Variants in NBAS observed in about 807,000 individuals in gnomAD.
NBAS encodes NBAS subunit of NRZ tethering complex.
A neutral mutation model predicts 302.5 loss-of-function variants in NBAS; 219 were observed. The observed-to-expected ratio is 0.72, with a 90% CI of 0.65 to 0.81. The LOEUF (loss-of-function observed/expected upper bound fraction) is 0.81. NBAS is among the 30% of genes least tolerant of loss of function. The pLI is 0.00. For missense variants in NBAS, 2,932 were observed against 2,841.6 expected (o/e 1.03, Z -0.72); for synonymous variants, 1,118 against 1,021.6 (o/e 1.09, Z -1.80).
chr2:15,547,680 G>A lies in NBAS; in HGVS notation c.379+3813C>T, dbSNP rs535161992. ...TGAATCACTCCAACACTCTAAGCAC[G>A]CTCCTCAGAAACCTATCTTAGGCCC... On this transcript the variant is annotated intron_variant, in intron 6 of 51. Coordinates refer to ENST00000281513, the MANE Select transcript of NBAS (RefSeq NM_015909.4). Among the ~76,000 whole-genome samples, 20 of 152,210 alleles carry A rather than the reference G, an allele frequency of 1.3e-4. No homozygotes were observed. In the South Asian group the frequency reaches 3.9e-3, roughly 30 times the overall value.
chr2:15,323,612 C>A (rs1671922409), intron 38 of NBAS, among the ~76,000 whole-genome samples: 1 of 152,016 alleles, frequency 6.6e-6, no homozygotes, highest in Admixed American at 6.6e-5. Flanking sequence ...GGGAAGACTG[C>A]CTGAGCCCAG....
the NBAS span, among the ~76,000 whole-genome samples, chr2:14,909,366 T>TAAAAAAAAAAA: frequency 4.7e-3 from 368 of 78,484 alleles, 33 homozygotes; most frequent in African/African-American, 0.019. Context: ...GGAGAGTTTC[T>TAAAAAAAAAAA]AAAAAAAAAA....
At chr2:15,155,138 A>G in the NBAS span, among the ~76,000 whole-genome samples, 2 of 152,216 alleles carry the variant, frequency 1.3e-5, no homozygotes, top group Non-Finnish European at 2.9e-5. Flanking sequence ...TAAAGGATAG[A>G]GCAAGTCCTT....
intron 47 of NBAS, among the ~76,000 whole-genome samples, chr2:15,225,344 T>A (rs1667109196): frequency 6.6e-6 from 1 of 152,184 alleles, no homozygotes; most frequent in Non-Finnish European, 1.5e-5. Context: ...GGATCCACCA[T>A]CCTGGATTGT....
At chr2:15,121,306 G>A in the NBAS span, among the ~76,000 whole-genome samples, 4 of 152,178 alleles carry the variant, frequency 2.6e-5, no homozygotes, top group Non-Finnish European at 2.9e-5. Context: ...GCTGAGGCCA[G>A]ACTCTGTTGC....
chr2:15,417,196 C>T (rs1852751), intron 24 of NBAS, among the ~76,000 whole-genome samples: 94,835 of 151,956 alleles, frequency 0.62, 30,355 homozygotes, highest in Middle Eastern at 0.68. Flanking sequence ...CCTTGAAATA[C>T]ATAAGTAATT....
chr2:14,874,054 G>T, the NBAS span, among the ~76,000 whole-genome samples: 36 of 152,166 alleles, frequency 2.4e-4, no homozygotes, highest in Non-Finnish European at 4.3e-4. Context: ...TAAGCCTCTA[G>T]CCAGGGCAGG....
At chr2:15,487,490 G>A (rs777355270) in intron 12 of NBAS, among the ~76,000 whole-genome samples, 3 of 152,148 alleles carry the variant, frequency 2.0e-5, no homozygotes, top group African/African-American at 4.8e-5. Context: ...TGCAAAGACT[G>A]TATTTTCCAT....
chr2:15,081,130 C>A, the NBAS span, among the ~76,000 whole-genome samples: 2 of 152,136 alleles, frequency 1.3e-5, no homozygotes, highest in African/African-American at 4.8e-5. Flanking sequence ...CTGGCTCAAG[C>A]AAAGCAAAAA....
At chr2:15,306,139 A>C (rs1005355329) in intron 40 of NBAS, among the ~76,000 whole-genome samples, 2 of 152,260 alleles carry the variant, frequency 1.3e-5, no homozygotes, top group Non-Finnish European at 2.9e-5. Context: ...ATTTCCACTT[A>C]ATCACTTCAG....
chr2:15,136,588 T>C, the NBAS span, among the ~76,000 whole-genome samples: 4 of 152,202 alleles, frequency 2.6e-5, no homozygotes, highest in African/African-American at 9.7e-5. Context: ...AATTAATATG[T>C]TGAAGTCCTT....
the NBAS span, among the ~76,000 whole-genome samples, chr2:14,909,337 G>A: frequency 1.4e-4 from 12 of 83,272 alleles, no homozygotes; most frequent in Admixed American, 1.3e-4. Context: ...AAAAAAAAAA[G>A]AGAACCGCTA....
At chr2:15,293,490 A>G (rs1670411906) in intron 40 of NBAS, among the ~76,000 whole-genome samples, 1 of 152,176 alleles carries the variant, frequency 6.6e-6, no homozygotes, top group Admixed American at 6.5e-5. Flanking sequence ...TTAACTAGCC[A>G]CATTTATTTA....
At chr2:15,286,912 A>C (rs1027180713) in intron 42 of NBAS, among the ~76,000 whole-genome samples, 161 bp downstream of exon 42, 3 of 152,242 alleles carry the variant, frequency 2.0e-5, no homozygotes, top group African/African-American at 7.2e-5. Flanking sequence ...TGAATGGTAA[A>C]GGTGTATCAA....
intron 51 of NBAS, among the ~76,000 whole-genome samples, chr2:15,175,983 G>A (rs1257405659): frequency 6.6e-6 from 1 of 152,214 alleles, no homozygotes; most frequent in Non-Finnish European, 1.5e-5. Context: ...TCTGCCAGAT[G>A]TTTTTCTTTT....
the NBAS span, among the ~76,000 whole-genome samples, chr2:14,851,425 G>C: frequency 2.6e-5 from 4 of 151,794 alleles, no homozygotes; most frequent in African/African-American, 2.4e-5. Context: ...AGCTGAAATT[G>C]TGGCAATAAT....
At chr2:15,539,185 T>C (rs765897136) in intron 7 of NBAS, 38 bp downstream of exon 7, 1 of 1,613,508 alleles carries the variant, frequency 6.2e-7, no homozygotes, top group South Asian at 1.1e-5. Context: ...TACATGACAT[T>C]GAAAAAACTA....
the NBAS span, among the ~76,000 whole-genome samples, chr2:15,043,289 C>A: frequency 6.6e-6 from 1 of 152,160 alleles, no homozygotes; most frequent in Non-Finnish European, 1.5e-5. Flanking sequence ...TGGACCCCTG[C>A]ACGTTTAGCT....
chr2:15,381,405 A>G (rs1054057756), intron 29 of NBAS, among the ~76,000 whole-genome samples: 2 of 152,184 alleles, frequency 1.3e-5, no homozygotes, highest in Non-Finnish European at 2.9e-5. Context: ...AACTGTTATA[A>G]TATGCTTTCA....
Sources: gnomAD v4.1 joint callset for allele counts (sites outside exome capture counted in the v4.1 genomes callset) on GRCh38, gnomAD v4.1.1 for gene constraint, MANE v1.5 for transcripts, NCBI Gene and HGNC (gene_info 2026-07-23, HGNC 2026-07-21) for gene names.